ACO2: variants seen among roughly 807,000 people sequenced by gnomAD.
The protein encoded by ACO2 is aconitase 2.
In ACO2, 31 loss-of-function variants were observed where a neutral mutation model predicts 84.5. The observed-to-expected ratio is 0.37, with a 90% CI of 0.28 to 0.50. The LOEUF is 0.50. Ranked by LOEUF, ACO2 falls within the 20% of genes least tolerant of loss-of-function variation. The pLI is 0.97. For synonymous variants in ACO2, 414 were observed against 412.7 expected, an observed-to-expected ratio of 1.00 and a Z score of -0.04; for missense variants, 685 against 1,029.3, an observed-to-expected ratio of 0.67 and a Z score of 4.58.
At position 41,528,568 on chromosome 22, in the gene ACO2, C is replaced by G; in HGVS notation, c.2298C>G (p.Phe766Leu). The change falls in exon 18 of 18, where the codon TTC (phenylalanine) becomes TTG (leucine). Residue 766 changes from phenylalanine to leucine, a missense_variant. Physicochemically the swap from Phe to Leu is conservative, Grantham distance 22. Coordinates refer to ENST00000216254, the MANE Select transcript of ACO2 (RefSeq NM_001098.3). ...HTFNETQIEW[F>L]RAGSALNRMK... ...TCAACGAGACGCAGATTGAGTGGTTCCGCGCTGGCAGTGCCCTCAACAGAA... is the reference window on the plus strand; with the variant it reads ...TCAACGAGACGCAGATTGAGTGGTTGCGCGCTGGCAGTGCCCTCAACAGAA... 1 of 1,613,064 alleles carries G rather than the reference C, an allele frequency of 6.2e-7. No homozygotes were observed.
rs150607397 is a variant in ACO2, at chr22:41,526,372, T to A, written c.1872T>A (p.Ile624=). 2.5e-6 allele frequency: 4 copies of A among 1,613,770 alleles called. No homozygotes were observed. In the African/African-American group the frequency reaches 4.0e-5, roughly 16 times the overall value. Residue 624 remains isoleucine, a synonymous_variant, in exon 15 of 18, where the codon ATT becomes ATA. Transcript: ENST00000216254. ...SNNLLIGAIN[I]ENGKANSVRN... The stretch of plus-strand genomic sequence containing the variant: ...ACCTGCTCATTGGTGCCATCAACAT[T>A]GAAAACGGCAAGGCCAACTCCGTGC...
intron 1 of ACO2, among the ~76,000 whole-genome samples, chr22:41,470,604 G>A (rs1274554857): frequency 3.6e-5 from 5 of 138,512 alleles, no homozygotes; most frequent in East Asian, 4.1e-4. Flanking sequence ...GTGCAATGGC[G>A]CAATCTTGGC....
At chr22:41,469,805 C>A (rs19573) in intron 1 of ACO2, among the ~76,000 whole-genome samples, 116,055 of 152,038 alleles carry the variant, frequency 0.76, 44,878 homozygotes, top group East Asian at 0.95. Context: ...TATTTGATTC[C>A]TGTAATCGTA....
chr22:41,486,192 A>G (rs774683129), intron 1 of ACO2, among the ~76,000 whole-genome samples: 58 of 152,278 alleles, frequency 3.8e-4, no homozygotes, highest in Non-Finnish European at 7.9e-4. Context: ...ATATTAGTCT[A>G]GTGACTGTCT....
intron 9 of ACO2, chr22:41,521,683 AT>A (rs1180437203): frequency 6.6e-5 from 10 of 152,318 alleles, no homozygotes; most frequent in African/African-American, 2.2e-4. Context: ...AAGAAAAAAA[AT>A]ATTTGGTGGT....
chr22:41,504,711 CTTTTTTTTTTTTTTTT>C (rs926246283), intron 2 of ACO2, among the ~76,000 whole-genome samples: 2 of 48,604 alleles, frequency 4.1e-5, no homozygotes, highest in African/African-American at 7.7e-5. Flanking sequence ...ACCTTAGGGA[CTTTTTTTTTTTTTTTT>C]TTTTTTTTTT....
Position 41,527,881 on chromosome 22 carries a change from G to A in ACO2, c.2087-20G>A, listed in dbSNP as rs775842612. 1.6e-5 allele frequency: 26 copies of A among 1,613,998 alleles called. No homozygotes were observed. The highest frequency in any genetic ancestry group is 1.6e-4 in the Middle Eastern group (1 of 6,084). ...CAGGCTAGTCAGGCCCCCGATGACC[G>A]AATGCCGCCTGCTTTCCAGAGACCA... On this transcript the variant is annotated intron_variant, in intron 16 of 17. Transcript: ENST00000216254.
At chr22:41,509,300 C>T (rs1326673769) in intron 3 of ACO2, among the ~76,000 whole-genome samples, 2 of 152,086 alleles carry the variant, frequency 1.3e-5, no homozygotes, top group African/African-American at 4.8e-5. Flanking sequence ...TTCCCTCATG[C>T]GTTCAACAAA....
chr22:41,520,180 C>T lies in ACO2; in HGVS notation c.1042C>T (p.His348Tyr), dbSNP rs771610089. 33 of 1,612,668 alleles carry T rather than the reference C, an allele frequency of 2.0e-5. No individual in the cohort carries two copies. In the South Asian group the frequency reaches 3.1e-4, roughly 15 times the overall value. Residue 348 changes from histidine (H) to tyrosine (Y), a missense_variant, in exon 9 of 18, where the codon CAC becomes TAC. This residue lies in a region of ACO2 where 311 missense variants were observed against 441.6 expected (regional missense o/e 0.70). Transcript: ENST00000216254. Reference protein sequence around the residue: ...IEINLSELKPHINGPFTPDLA... With the variant: ...IEINLSELKPYINGPFTPDLA... ...ATGTTTGTTTCTTCAGCTGAAGCCA[C>T]ACATCAATGGGCCCTTCACCCCTGA...
In ACO2 at chr22:41,528,762, T is replaced by A; in HGVS notation, c.*149T>A. 8.6e-7 allele frequency: 1 copy of A among 1,157,122 alleles called. No homozygotes were observed. Among genetic ancestry groups the A allele is most frequent in the Non-Finnish European group, 1.2e-6 (1 of 849,304 alleles). The allele number at this position is 1,157,122 out of a possible 1,614,324, so 71.7% of individuals were successfully genotyped here. On this transcript the variant is annotated 3_prime_UTR_variant, in exon 18 of 18. Transcript: ENST00000216254. Reference sequence around the variant, plus strand: ...CCCCGCTTAGCCCACGGAGTGACTGTGGTTGTGGTGGGGGGGTTCTTAAAA... The same window carrying A: ...CCCCGCTTAGCCCACGGAGTGACTGAGGTTGTGGTGGGGGGGTTCTTAAAA...
Position 41,527,902 on chromosome 22 carries a change from G to A in ACO2, c.2088G>A (p.Glu696=), listed in dbSNP as rs762637616. The change falls in exon 17 of 18, where the codon GAG becomes GAA. Residue 696 remains glutamate, a splice_region_variant and synonymous_variant. Transcript: ENST00000216254. ...GACCGAATGCCGCCTGCTTTCCAGA[G>A]ACCAACCTGAAGAAACAGGGCCTGC... ...IITKSFARIH[E]TNLKKQGLLP... 1 of 1,614,146 alleles carries A rather than the reference G, an allele frequency of 6.2e-7. No homozygotes were observed. Among genetic ancestry groups the A allele is most frequent in the Non-Finnish European group, 8.5e-7 (1 of 1,180,040 alleles).
intron 1 of ACO2, among the ~76,000 whole-genome samples, chr22:41,475,856 C>A (rs964613261): frequency 6.6e-6 from 1 of 151,016 alleles, no homozygotes; most frequent in Admixed American, 6.6e-5. Flanking sequence ...CGAGATCGCG[C>A]CACTGCACTC....
At chr22:41,480,281 A>G (rs2038071765) in intron 1 of ACO2, among the ~76,000 whole-genome samples, 1 of 152,214 alleles carries the variant, frequency 6.6e-6, no homozygotes, top group Non-Finnish European at 1.5e-5. Flanking sequence ...AAGAGATGTG[A>G]GCCCGAAGTC....
At chr22:41,479,882 A>G (rs1035022215) in intron 1 of ACO2, among the ~76,000 whole-genome samples, 4 of 152,186 alleles carry the variant, frequency 2.6e-5, no homozygotes, top group African/African-American at 7.2e-5. Flanking sequence ...TAGTCAGATG[A>G]GCGAATCTGT....
At chr22:41,491,754 G>A (rs1050474695) in intron 1 of ACO2, among the ~76,000 whole-genome samples, 1 of 152,226 alleles carries the variant, frequency 6.6e-6, no homozygotes, top group Non-Finnish European at 1.5e-5. Context: ...ACTTTATGTA[G>A]ATGATTTCAT....
chr22:41,481,224 C>A (rs1304022908), intron 1 of ACO2, among the ~76,000 whole-genome samples: 1 of 152,216 alleles, frequency 6.6e-6, no homozygotes. Context: ...CAAGCCAGAT[C>A]CCTCCAGCCC....
chr22:41,516,293 C>T (rs1014831583), intron 6 of ACO2, among the ~76,000 whole-genome samples: 3 of 152,226 alleles, frequency 2.0e-5, no homozygotes, highest in Non-Finnish European at 4.4e-5. Flanking sequence ...GCCAGGGCTT[C>T]ATTCATGAAG....
At chr22:41,507,244 A>G (rs2066400244) in intron 2 of ACO2, among the ~76,000 whole-genome samples, 1 of 152,098 alleles carries the variant, frequency 6.6e-6, no homozygotes. Flanking sequence ...CAGGCATCCC[A>G]GGCCTGAGGT....
chr22:41,499,740 G>A lies in ACO2; in HGVS notation c.51G>A (p.Val17=). Residue 17 remains valine, a synonymous_variant, in exon 2 of 18, where the codon GTG becomes GTA. Coordinates refer to ENST00000216254, the MANE Select transcript of ACO2 (RefSeq NM_001098.3). ...TCTTCTTGCAGAAAGCTCTGGGTGT[G>A]CGGCAGTACCATGTGGCCTCAGTCC... ...LVTRLQKALG[V]RQYHVASVLC... is the part of the protein sequence containing the mutation. 3.7e-6 allele frequency: 6 copies of A among 1,612,890 alleles called. No homozygotes were observed. The highest frequency in any genetic ancestry group is 5.1e-6 in the Non-Finnish European group (6 of 1,180,014).
Sources: allele counts gnomAD v4.1 joint callset (sites outside exome capture counted in the v4.1 genomes callset), GRCh38; gene constraint gnomAD v4.1.1; regional missense constraint gnomAD v4.1.1; transcripts MANE v1.5; gene names NCBI Gene and HGNC (gene_info 2026-07-23, HGNC 2026-07-21).